Variants in EXOC6 observed in about 807,000 individuals in gnomAD.
EXOC6 encodes exocyst complex component 6.
A neutral mutation model predicts 112.5 loss-of-function variants in EXOC6; 60 were observed. The observed-to-expected ratio is 0.53, with a 90% confidence interval of 0.43 to 0.66. EXOC6 has a LOEUF of 0.66. EXOC6 is among the 30% of genes least tolerant of loss of function. The pLI is 0.00. For missense variants in EXOC6, 855 were observed against 957.1 expected, an observed-to-expected ratio of 0.89 and a Z score of 1.41; for synonymous variants, 295 against 308.0, an observed-to-expected ratio of 0.96 and a Z score of 0.44.
chr10:92,930,560 C>G (rs1851971145), intron 9 of EXOC6, among the ~76,000 whole-genome samples: 1 of 151,606 alleles, frequency 6.6e-6, no homozygotes, highest in Non-Finnish European at 1.5e-5. Context: ...CAAAGTCTAT[C>G]CTCTGACTGC....
intron 1 of EXOC6, among the ~76,000 whole-genome samples, chr10:92,873,672 CTA>C (rs1848555887): frequency 6.6e-6 from 1 of 151,986 alleles, no homozygotes; most frequent in East Asian, 1.9e-4. Context: ...ATATAGCAAA[CTA>C]GATGAAATAT....
At chr10:93,047,626 C>G (rs1024049060) in intron 20 of EXOC6, among the ~76,000 whole-genome samples, 1 of 151,268 alleles carries the variant, frequency 6.6e-6, no homozygotes, top group African/African-American at 2.4e-5. Flanking sequence ...TAAATTGGTA[C>G]TATTTGTCAA....
At chr10:92,964,016 AT>A (rs1427139484) in intron 17 of EXOC6, among the ~76,000 whole-genome samples, 2 of 151,956 alleles carry the variant, frequency 1.3e-5, no homozygotes, top group Admixed American at 6.6e-5. Flanking sequence ...AAAAAAAAAA[AT>A]CACAGTAATA....
intron 18 of EXOC6, among the ~76,000 whole-genome samples, chr10:92,974,676 C>A (rs973265486): frequency 2.0e-5 from 3 of 151,096 alleles, no homozygotes; most frequent in Non-Finnish European, 4.4e-5. Flanking sequence ...CCTGATTCTC[C>A]TGCCTCAGCC....
chr10:92,977,684 C>CACACACACAT (rs1367299149), intron 18 of EXOC6, among the ~76,000 whole-genome samples: 45 of 152,084 alleles, frequency 3.0e-4, no homozygotes, highest in African/African-American at 1.1e-3. Context: ...CAGACACACA[C>CACACACACAT]ACACACACAT....
At chr10:92,951,151 T>C (rs538361084) in intron 14 of EXOC6, among the ~76,000 whole-genome samples, 2 of 152,314 alleles carry the variant, frequency 1.3e-5, no homozygotes, top group African/African-American at 4.8e-5. Context: ...ATCTCAATGG[T>C]ACAGCCAAAT....
intron 17 of EXOC6, among the ~76,000 whole-genome samples, chr10:92,968,851 A>T (rs1196434489): frequency 1.3e-5 from 2 of 152,224 alleles, no homozygotes; most frequent in African/African-American, 4.8e-5. Flanking sequence ...TAAGTGAAAT[A>T]GTGGGAATCA....
intron 20 of EXOC6, among the ~76,000 whole-genome samples, chr10:93,020,198 A>C (rs529352126): frequency 3.5e-4 from 53 of 152,248 alleles, no homozygotes; most frequent in African/African-American, 1.2e-3. Flanking sequence ...TTTTAGCTAC[A>C]AGTCTCCAAA....
intron 1 of EXOC6, among the ~76,000 whole-genome samples, chr10:92,854,060 A>C (rs1055189029): frequency 2.6e-5 from 4 of 151,930 alleles, no homozygotes; most frequent in Non-Finnish European, 2.9e-5. Context: ...GATTGGGAGA[A>C]GATATTGGCA....
At chr10:92,845,910 C>T (rs558581037), upstream of EXOC6, among the ~76,000 whole-genome samples, 1 of 152,190 alleles carries the variant, frequency 6.6e-6, no homozygotes, top group Non-Finnish European at 1.5e-5. Context: ...TGTTACCCAG[C>T]CTGGGTAACA....
intron 19 of EXOC6, among the ~76,000 whole-genome samples, chr10:93,006,232 G>A (rs545301737): frequency 1.8e-4 from 28 of 151,994 alleles, no homozygotes; most frequent in African/African-American, 5.8e-4. Context: ...GAGTTTTAGC[G>A]ACTATGACCT....
At chr10:93,049,785 C>G (rs1471338122) in intron 20 of EXOC6, among the ~76,000 whole-genome samples, 1 of 152,108 alleles carries the variant, frequency 6.6e-6, no homozygotes, top group East Asian at 1.9e-4. Context: ...CACCGTGTTG[C>G]CCAGGCTGGT....
Position 92,880,821 on chromosome 10 carries a change from A to G in EXOC6, c.102-12528A>G, listed in dbSNP as rs1848926426. On this transcript the variant is annotated intron_variant, in intron 1 of 21. Transcript: ENST00000260762. ...TCCAGGGGTAGAAAATAAGTTTAGGACAGCACCAAAAAGGACTAGTGCCAA... is the reference window on the plus strand; with the variant it reads ...TCCAGGGGTAGAAAATAAGTTTAGGGCAGCACCAAAAAGGACTAGTGCCAA... 2.0e-5 allele frequency among the ~76,000 whole-genome samples: 3 copies of G among 152,314 alleles called. No homozygotes were observed. In the South Asian group the frequency reaches 6.2e-4, roughly 32 times the overall value.
chr10:92,928,903 T>A (rs548476446), intron 9 of EXOC6, among the ~76,000 whole-genome samples: 1 of 152,174 alleles, frequency 6.6e-6, no homozygotes, highest in African/African-American at 2.4e-5. Flanking sequence ...TATTGAAGAG[T>A]TTTATTGTAT....
At chr10:93,025,979 T>C (rs1845008159) in intron 20 of EXOC6, among the ~76,000 whole-genome samples, 1 of 152,224 alleles carries the variant, frequency 6.6e-6, no homozygotes, top group Non-Finnish European at 1.5e-5. Flanking sequence ...AGTTTTAACT[T>C]TGTATACACC....
At chr10:93,047,911 A>G (rs748100407) in intron 20 of EXOC6, among the ~76,000 whole-genome samples, 4 of 152,180 alleles carry the variant, frequency 2.6e-5, no homozygotes, top group Non-Finnish European at 5.9e-5. Flanking sequence ...ACGCCACTGC[A>G]CTCCAGCCTG....
At chr10:92,991,731 C>G (rs201254045) in intron 18 of EXOC6, among the ~76,000 whole-genome samples, 1 of 51,656 alleles carries the variant, frequency 1.9e-5, no homozygotes, top group Non-Finnish European at 3.8e-5. Context: ...CTATTTCTCT[C>G]TCTCTCTCTC....
intron 1 of EXOC6, among the ~76,000 whole-genome samples, chr10:92,865,581 A>T (rs529194193): frequency 3.3e-5 from 5 of 150,960 alleles, no homozygotes; most frequent in Admixed American, 1.3e-4. Context: ...AGCTGGGATT[A>T]CAGGTGTACG....
intron 17 of EXOC6, among the ~76,000 whole-genome samples, chr10:92,971,657 C>G (rs781720359): frequency 6.6e-6 from 1 of 152,042 alleles, no homozygotes; most frequent in Non-Finnish European, 1.5e-5. Flanking sequence ...TAGGATTACA[C>G]GCGTCACTTA....
Sources: allele counts gnomAD v4.1 joint callset (sites outside exome capture counted in the v4.1 genomes callset), GRCh38; gene constraint gnomAD v4.1.1; transcripts MANE v1.5; gene names NCBI Gene and HGNC (gene_info 2026-07-23, HGNC 2026-07-21).